Variants in PLEKHH1 observed in about 807,000 individuals in gnomAD.
PLEKHH1 encodes pleckstrin homology domain-containing family H member 1.
A neutral mutation model predicts 160.0 loss-of-function variants in PLEKHH1; 104 were observed. The observed-to-expected ratio is 0.65, with a 90% CI of 0.55 to 0.76. The LOEUF is 0.76. Among genes scored for constraint, PLEKHH1 ranks in the 30% least tolerant of loss-of-function variants. The pLI, the probability that PLEKHH1 is intolerant of heterozygous loss-of-function variation, is 0.00. For synonymous variants in PLEKHH1, 619 were observed against 678.4 expected, an observed-to-expected ratio of 0.91 and a Z score of 1.36; for missense variants, 1,427 against 1,724.1, an observed-to-expected ratio of 0.83 and a Z score of 3.05.
intron 4 of PLEKHH1, among the ~76,000 whole-genome samples, chr14:67,557,945 G>C (rs1594759701): frequency 6.6e-6 from 1 of 152,206 alleles, no homozygotes. Flanking sequence ...GTGGCCAGCT[G>C]GTTGCCCAAA....
At chr14:67,571,182 CT>C (rs1382146137) in intron 9 of PLEKHH1, 1 of 154,562 alleles carries the variant, frequency 6.5e-6, no homozygotes, top group Non-Finnish European at 1.4e-5. Context: ...TCTTTGGGAA[CT>C]TATATCTACA....
rs912940655 is a variant in PLEKHH1, at chr14:67,574,501, G to T, written c.2088+98G>T. 4 of 992,676 alleles carry T rather than the reference G, an allele frequency of 4.0e-6. No individual in the cohort carries two copies. In the Admixed American group the frequency reaches 1.4e-4, roughly 35 times the overall value. 61.5% of individuals were successfully genotyped at this position (992,676 alleles called of 1,614,324 possible). A position where few individuals can be genotyped will look rare whatever the true frequency, so the allele number is the denominator to read the frequency against. On this transcript the variant is annotated intron_variant, in intron 14 of 28. Transcript: ENST00000329153. The surrounding 1 kb of genome is among the most constrained non-coding windows in gnomAD (Gnocchi z 4.2). ...GGGTGGTGGGTTCCCCCTTATACGG[G>T]GCTCCTTTCTCTGGGAGCCTCCTCA... is the stretch of plus-strand genomic sequence containing the variant.
In PLEKHH1 at chr14:67,580,982, G is replaced by A. The variant is rs1393334915; in HGVS notation, c.3228G>A (p.Leu1076=). 6.2e-7 allele frequency: 1 copy of A among 1,613,540 alleles called. No homozygotes were observed. Reference sequence around the variant, plus strand: ...AGTGGGAACAAGCCATGAAGGAGCTGCACCCCGGAAAGTCTGAGGGTGGGA... The same window carrying A: ...AGTGGGAACAAGCCATGAAGGAGCTACACCCCGGAAAGTCTGAGGGTGGGA... ...ISKWEQAMKE[L]HPGKSEGGTR... is the part of the protein sequence containing the mutation. The change falls in exon 23 of 29, where the codon CTG becomes CTA. Residue 1076 remains leucine (L), a synonymous_variant. Transcript: ENST00000329153.
chr14:67,569,401 T>C (rs958263968), intron 8 of PLEKHH1, among the ~76,000 whole-genome samples, 185 bp downstream of exon 8: 2 of 152,144 alleles, frequency 1.3e-5, no homozygotes, highest in African/African-American at 4.8e-5. Context: ...AGGGAAGTCG[T>C]ACAGGTTCAG....
rs369973144 is a variant in PLEKHH1, at chr14:67,585,643, C to G, written c.3775C>G (p.His1259Asp). ...TGAGGATGGCGTCAGCATCCTGGAC[C>G]ACAACACTATGGTATGAAAGGATGC... ...VNEDGVSILD[H>D]NTMQVHITYP... Residue 1259 changes from histidine (H) to aspartate (D), a missense_variant, in exon 27 of 29, where the codon CAC (histidine) becomes GAC (aspartate). His to Asp is a moderately conservative substitution (Grantham distance 81). Coordinates refer to ENST00000329153, the MANE Select transcript of PLEKHH1 (RefSeq NM_020715.3). 7 of 1,566,500 alleles carry G rather than the reference C, an allele frequency of 4.5e-6. No individual in the cohort carries two copies. In the African/African-American group the frequency reaches 8.1e-5, roughly 18 times the overall value.
In PLEKHH1 at chr14:67,541,917, G is replaced by A. The variant is rs763998194; in HGVS notation, c.50G>A (p.Arg17His). The change falls in exon 2 of 29, where the codon CGC becomes CAC. Residue 17 changes from arginine to histidine, a missense_variant. Physicochemically the swap from Arg to His is conservative, Grantham distance 29 (BLOSUM62 0). Transcript: ENST00000329153. Reference sequence around the variant, plus strand: ...CCGGCCAGCGTAGACTGGCAGAAACGCTGCCTGACCCTGGAAACTCAGCTT... The same window carrying A: ...CCGGCCAGCGTAGACTGGCAGAAACACTGCCTGACCCTGGAAACTCAGCTT... ...EAPASVDWQK[R>H]CLTLETQLFR... The A allele has an allele frequency of 2.5e-6, 4 of 1,605,160 alleles. No homozygotes were observed. The highest frequency in any genetic ancestry group is 3.4e-5 in the Admixed American group (2 of 58,890).
chr14:67,564,513 A>G (rs2034992892), intron 7 of PLEKHH1, among the ~76,000 whole-genome samples: 1 of 152,104 alleles, frequency 6.6e-6, no homozygotes, highest in Non-Finnish European at 1.5e-5. Context: ...GCTGGAGTGC[A>G]GTGGCGCAAT....
chr14:67,571,999 C>T, intron 10 of PLEKHH1, 97 bp downstream of exon 10: 1 of 1,492,686 alleles, frequency 6.7e-7, no homozygotes, highest in Non-Finnish European at 9.1e-7. Context: ...TTGATCTGAG[C>T]TCGTGACCCC....
chr14:67,563,052 C>T (rs561424862), intron 7 of PLEKHH1, among the ~76,000 whole-genome samples, 158 bp downstream of exon 7: 30 of 152,358 alleles, frequency 2.0e-4, no homozygotes, highest in Admixed American at 9.1e-4. Context: ...ACCACACAAC[C>T]AGTGAGGGTC....
intron 10 of PLEKHH1, 110 bp from the exon 11 acceptor site, chr14:67,572,025 C>G (rs2035402322): frequency 4.7e-6 from 7 of 1,479,870 alleles, no homozygotes; most frequent in Non-Finnish European, 6.4e-6. Flanking sequence ...AGCTCCACCC[C>G]CAGCCCCAGA....
intron 9 of PLEKHH1, 35 bp from the exon 10 acceptor site, chr14:67,571,717 C>A: frequency 6.2e-7 from 1 of 1,601,578 alleles, no homozygotes; most frequent in Non-Finnish European, 8.6e-7. Context: ...TGTTTTGCAG[C>A]CTGAGCTGCA....
At position 67,589,353 on chromosome 14, in the gene PLEKHH1, A is replaced by G; in HGVS notation, c.*2118A>G. On this transcript the variant is annotated 3_prime_UTR_variant, in exon 29 of 29. Coordinates refer to ENST00000329153, the MANE Select transcript of PLEKHH1 (RefSeq NM_020715.3). Reference sequence around the variant, plus strand: ...TATTCTTTGTTAACATGAGAGTCCCATGTCTGAAAACCAAAGTCCAATTTC... The same window carrying G: ...TATTCTTTGTTAACATGAGAGTCCCGTGTCTGAAAACCAAAGTCCAATTTC... 1.0e-6 allele frequency: 1 copy of G among 983,458 alleles called. No homozygotes were observed. The highest frequency in any genetic ancestry group is 1.2e-6 in the Non-Finnish European group (1 of 828,126). The allele number at this position is 983,458 out of a possible 1,614,324, so 60.9% of individuals were successfully genotyped here.
chr14:67,566,142 C>T (rs1338797954), intron 7 of PLEKHH1, among the ~76,000 whole-genome samples: 8 of 152,062 alleles, frequency 5.3e-5, no homozygotes, highest in Non-Finnish European at 8.8e-5. Flanking sequence ...AATGCTGGTT[C>T]GGGAGGCACA....
intron 22 of PLEKHH1, chr14:67,580,345 T>C (rs1213232880): frequency 6.0e-6 from 1 of 167,286 alleles, no homozygotes; most frequent in Non-Finnish European, 1.3e-5. Context: ...GGTGCTCCTA[T>C]AAGTAAAGGC....
Position 67,576,372 on chromosome 14 carries a change from G to A in PLEKHH1, c.2353-23G>A, listed in dbSNP as rs369344899. Reference sequence around the variant, plus strand: ...CACTCTTCCCACCCCGTCCCCATCCGATGGCTTTCCGCCCTCTTCCAGGAT... The same window carrying A: ...CACTCTTCCCACCCCGTCCCCATCCAATGGCTTTCCGCCCTCTTCCAGGAT... On this transcript the variant is annotated intron_variant, in intron 16 of 28. Coordinates refer to ENST00000329153, the MANE Select transcript of PLEKHH1 (RefSeq NM_020715.3). The surrounding 1 kb of genome is among the most constrained non-coding windows in gnomAD (Gnocchi z 4.0). 24 of 1,423,442 alleles carry A rather than the reference G, an allele frequency of 1.7e-5. No homozygotes were observed. Among genetic ancestry groups the A allele is most frequent in the African/African-American group, 5.6e-5 (4 of 71,158 alleles). The allele number at this position is 1,423,442 out of a possible 1,614,324, so 88.2% of individuals were successfully genotyped here.
chr14:67,568,604 A>G (rs1262917593), intron 7 of PLEKHH1, among the ~76,000 whole-genome samples: 1 of 152,148 alleles, frequency 6.6e-6, no homozygotes, highest in Non-Finnish European at 1.5e-5. Context: ...TTAAAAAACA[A>G]ACAAATTATT....
intron 1 of PLEKHH1, among the ~76,000 whole-genome samples, chr14:67,541,620 A>G (rs939914189): frequency 2.0e-5 from 3 of 152,190 alleles, no homozygotes; most frequent in Non-Finnish European, 4.4e-5. Flanking sequence ...CGGTTTCCTG[A>G]GGCTCTCAGC....
rs991492565 is a variant in PLEKHH1 at position 67,559,553 on chromosome 14, C to A, written c.340-55C>A. ...TTTCTTGGGGTTTCCCACCTCCAGT[C>A]AGTCACTCTCCTGGTGATTGTTGGG... On this transcript the variant is annotated intron_variant, in intron 4 of 28. Transcript: ENST00000329153. 9 of 1,263,004 alleles carry A rather than the reference C, an allele frequency of 7.1e-6. No homozygotes were observed. The African/African-American group carries it at 8.9e-5, about 12-fold the overall frequency. The allele number at this position is 1,263,004 out of a possible 1,614,324, so 78.2% of individuals were successfully genotyped here. A position where few individuals can be genotyped will look rare whatever the true frequency, so the allele number is the denominator to read the frequency against.
intron 15 of PLEKHH1, 84 bp downstream of exon 15, chr14:67,575,556 C>T: frequency 1.1e-6 from 1 of 876,528 alleles, no homozygotes; most frequent in Non-Finnish European, 1.9e-6. Context: ...ATGAAAGTCC[C>T]TACCCCACGT....
Sources: allele counts gnomAD v4.1 joint callset (sites outside exome capture counted in the v4.1 genomes callset), GRCh38; gene constraint gnomAD v4.1.1; non-coding constraint Gnocchi (gnomAD v3.1); transcripts MANE v1.5; gene names NCBI Gene and HGNC (gene_info 2026-07-23, HGNC 2026-07-21).